Variants in EYS observed in about 807,000 individuals in gnomAD.
EYS encodes EGF-like photoreceptor maintenance factor, also known as protein eyes shut homolog.
A neutral mutation model predicts 282.1 loss-of-function variants in EYS; 250 were observed. The observed-to-expected ratio is 0.89, with a 90% CI of 0.80 to 0.98. The LOEUF is 0.98. Among genes scored for constraint, EYS ranks in the 50% least tolerant of loss-of-function variants. EYS has a pLI of 0.00. For missense variants in EYS, 4,016 were observed against 3,709.0 expected, an observed-to-expected ratio of 1.08 and a Z score of -2.15; for synonymous variants, 1,355 against 1,282.9, an observed-to-expected ratio of 1.06 and a Z score of -1.20.
At chr6:64,249,704 T>C (rs1052250418) in intron 30 of EYS, among the ~76,000 whole-genome samples, 1 of 152,114 alleles carries the variant, frequency 6.6e-6, no homozygotes, top group African/African-American at 2.4e-5. Context: ...GACAAAGATG[T>C]AGGTATAGGA....
At chr6:65,447,324 A>G (rs201141540) in intron 5 of EYS, among the ~76,000 whole-genome samples, 3 of 122,942 alleles carry the variant, frequency 2.4e-5, no homozygotes, top group Non-Finnish European at 4.9e-5. Context: ...GTGTATATAT[A>G]TGTGTGTGTA....
At chr6:65,121,670 A>G (rs1775555121) in intron 12 of EYS, among the ~76,000 whole-genome samples, 2 of 152,138 alleles carry the variant, frequency 1.3e-5, no homozygotes, top group African/African-American at 4.8e-5. Context: ...TGAATGGCCT[A>G]ATCTACAATT....
At chr6:63,827,242 G>A (rs568234094) in intron 36 of EYS, among the ~76,000 whole-genome samples, 46 of 152,218 alleles carry the variant, frequency 3.0e-4, no homozygotes, top group African/African-American at 1.0e-3. Context: ...AAACACATAC[G>A]CACCTAACAC....
At chr6:65,458,324 C>G (rs1013950121) in intron 5 of EYS, among the ~76,000 whole-genome samples, 1 of 152,096 alleles carries the variant, frequency 6.6e-6, no homozygotes, top group African/African-American at 2.4e-5. Context: ...TGTCTTCATT[C>G]TCCACCAACC....
chr6:65,349,316 G>A (rs1464644219), intron 9 of EYS, among the ~76,000 whole-genome samples: 1 of 151,404 alleles, frequency 6.6e-6, no homozygotes. Context: ...CTTTTGCAGA[G>A]TACACTTGGC....
intron 34 of EYS, among the ~76,000 whole-genome samples, chr6:63,990,494 C>A (rs1167111529): frequency 6.6e-6 from 1 of 151,722 alleles, no homozygotes; most frequent in Non-Finnish European, 1.5e-5. Flanking sequence ...GTCCAGCATG[C>A]AGACTCTTTG....
chr6:65,090,471 A>G (rs1774527142), intron 12 of EYS, among the ~76,000 whole-genome samples: 1 of 152,154 alleles, frequency 6.6e-6, no homozygotes, highest in African/African-American at 2.4e-5. Context: ...CAGTGTGAAA[A>G]TGGACTAATA....
intron 22 of EYS, among the ~76,000 whole-genome samples, chr6:64,784,255 T>C (rs1773950701): frequency 6.6e-6 from 1 of 152,112 alleles, no homozygotes; most frequent in African/African-American, 2.4e-5. Flanking sequence ...TTCCTTCTAC[T>C]ATCTTTAAAA....
At chr6:65,498,530 G>T (rs544378904) in intron 2 of EYS, among the ~76,000 whole-genome samples, 19 of 152,004 alleles carry the variant, frequency 1.2e-4, no homozygotes, top group Admixed American at 1.2e-3. Flanking sequence ...TTATTGTGGG[G>T]CTAATCCCAT....
chr6:65,618,131 G>A (rs564719372), intron 2 of EYS, among the ~76,000 whole-genome samples: 3 of 152,160 alleles, frequency 2.0e-5, no homozygotes, highest in African/African-American at 7.2e-5. Flanking sequence ...TTGCCACACT[G>A]ACTTCCACAA....
chr6:64,166,279 C>T (rs988247802), intron 31 of EYS, among the ~76,000 whole-genome samples: 1 of 152,182 alleles, frequency 6.6e-6, no homozygotes, highest in Non-Finnish European at 1.5e-5. Context: ...CTTATGTTCG[C>T]TTAACGAGTA....
intron 29 of EYS, among the ~76,000 whole-genome samples, chr6:64,320,654 C>A (rs1008160450): frequency 6.7e-6 from 1 of 148,980 alleles, no homozygotes; most frequent in African/African-American, 2.5e-5. Context: ...ATCATATAAT[C>A]TCTATGATTT....
At chr6:65,431,966 A>C (rs1767905213) in intron 5 of EYS, among the ~76,000 whole-genome samples, 1 of 152,188 alleles carries the variant, frequency 6.6e-6, no homozygotes, top group Admixed American at 6.5e-5. Context: ...GTTATTGTAC[A>C]TTTTAAAAAT....
intron 41 of EYS, among the ~76,000 whole-genome samples, chr6:63,727,221 C>A (rs1768646545): frequency 6.6e-6 from 1 of 151,712 alleles, no homozygotes; most frequent in Non-Finnish European, 1.5e-5. Context: ...GAAAGTTCTG[C>A]ACATTTGGCC....
intron 5 of EYS, among the ~76,000 whole-genome samples, chr6:65,430,738 C>G (rs12055481): frequency 0.2 from 30,380 of 152,162 alleles, 3,780 homozygotes; most frequent in Non-Finnish European, 0.26. Flanking sequence ...GCCCCTGTTC[C>G]AGGCCCTAGC....
intron 1 of EYS, among the ~76,000 whole-genome samples, chr6:65,699,390 G>A (rs746642658): frequency 6.6e-6 from 1 of 151,656 alleles, no homozygotes; most frequent in Non-Finnish European, 1.5e-5. Context: ...GTCAAATTTT[G>A]CTCAATATTA....
At chr6:65,159,139 T>G (rs1764794170) in intron 12 of EYS, among the ~76,000 whole-genome samples, 1 of 151,024 alleles carries the variant, frequency 6.6e-6, no homozygotes. Context: ...TTTGCCCCTC[T>G]ATTCAAGTTT....
At position 65,144,156 on chromosome 6, in the gene EYS, A is replaced by G. The variant is rs140521404; in HGVS notation, c.2024-86429T>C. Among the ~76,000 whole-genome samples, 282 of 152,216 alleles carry G rather than the reference A, an allele frequency of 1.9e-3. 1 individual carries two copies. Among genetic ancestry groups the G allele is most frequent in the African/African-American group, 6.5e-3 (271 of 41,556 alleles). ...TATAACCTGAGCACTTCAGAGCTTCAGATTTTCAAGAGAAGAGACATATTT... is the reference window on the plus strand; with the variant it reads ...TATAACCTGAGCACTTCAGAGCTTCGGATTTTCAAGAGAAGAGACATATTT... On this transcript the variant is annotated intron_variant, in intron 12 of 42. Coordinates refer to ENST00000503581, the MANE Select transcript of EYS (RefSeq NM_001142800.2).
chr6:64,820,255 G>GA (rs1406398164), intron 21 of EYS, among the ~76,000 whole-genome samples: 1 of 151,788 alleles, frequency 6.6e-6, no homozygotes, highest in African/African-American at 2.4e-5. Context: ...AAAATATTAG[G>GA]AAAAAATCTA....
Sources: allele counts gnomAD v4.1 joint callset (sites outside exome capture counted in the v4.1 genomes callset), GRCh38; gene constraint gnomAD v4.1.1; transcripts MANE v1.5; gene names NCBI Gene and HGNC (gene_info 2026-07-23, HGNC 2026-07-21).